KCNA3: variants seen among roughly 807,000 people sequenced by gnomAD.
KCNA3 encodes potassium voltage-gated channel subfamily A member 3.
A neutral mutation model predicts 34.3 loss-of-function variants in KCNA3; 18 were observed. The ratio of observed to expected loss-of-function variants is 0.52; its 90% confidence interval spans 0.36 to 0.78. The LOEUF (loss-of-function observed/expected upper bound fraction) is 0.78. Among genes scored for constraint, KCNA3 ranks in the 30% least tolerant of loss-of-function variants. The pLI, the probability that KCNA3 is intolerant of heterozygous loss-of-function variation, is 0.00. For synonymous variants in KCNA3, 324 were observed against 351.7 expected (o/e 0.92, Z 0.88); for missense variants, 587 against 802.5 (o/e 0.73, Z 3.24).
the KCNA3 span, among the ~76,000 whole-genome samples, chr1:110,658,475 A>G: frequency 6.6e-6 from 1 of 152,190 alleles, no homozygotes; most frequent in Non-Finnish European, 1.5e-5. Flanking sequence ...CATAAGGCTT[A>G]TGAAATAATA....
chr1:110,656,700 A>G, the KCNA3 span: 9 of 152,174 alleles, frequency 5.9e-5, no homozygotes, highest in South Asian at 2.1e-4. Flanking sequence ...TATCACTCCA[A>G]CCTTTTCCCA....
chr1:110,661,625 T>C, the KCNA3 span, among the ~76,000 whole-genome samples: 15,214 of 152,238 alleles, frequency 0.1, 797 homozygotes, highest in South Asian at 0.13. Flanking sequence ...TATTCTTGTC[T>C]TGCTGCTGTT....
chr1:110,672,802 G>T lies in KCNA3; in HGVS notation c.*280C>A. 1 of 358,054 alleles carries T rather than the reference G, an allele frequency of 2.8e-6. No homozygotes were observed. Among genetic ancestry groups the T allele is most frequent in the Non-Finnish European group, 5.0e-6 (1 of 198,066 alleles). 22.2% of individuals were successfully genotyped at this position (358,054 alleles called of 1,614,324 possible). On this transcript the variant is annotated 3_prime_UTR_variant, in exon 1 of 1. Coordinates refer to ENST00000369769, the MANE Select transcript of KCNA3 (RefSeq NM_002232.5). ...GATGTACTGCTCTTTTTTAAATAGG[G>T]CGTGTACTAGAAATGAAGTTTAACG... is the stretch of plus-strand genomic sequence containing the variant.
chr1:110,666,234 G>A, the KCNA3 span, among the ~76,000 whole-genome samples: 2 of 151,996 alleles, frequency 1.3e-5, no homozygotes, highest in East Asian at 3.8e-4. Context: ...TTATAATCAA[G>A]GGCATCTTAA....
the KCNA3 span, chr1:110,655,576 A>T: frequency 1.3e-5 from 2 of 152,202 alleles, no homozygotes; most frequent in Non-Finnish European, 2.9e-5. Flanking sequence ...CGACTCAATT[A>T]CACCTAAAGT....
the KCNA3 span, chr1:110,654,641 T>C: frequency 8.5e-5 from 13 of 152,170 alleles, no homozygotes; most frequent in Non-Finnish European, 1.9e-4. Flanking sequence ...GGAAGGGCTA[T>C]AGTCTGGAGG....
chr1:110,657,869 G>A, the KCNA3 span, among the ~76,000 whole-genome samples: 26 of 152,196 alleles, frequency 1.7e-4, no homozygotes, highest in Admixed American at 5.9e-4. Flanking sequence ...TACCCAGGCT[G>A]TGATAATTAG....
chr1:110,669,907 G>A (rs1651823066), downstream of KCNA3, among the ~76,000 whole-genome samples: 1 of 152,136 alleles, frequency 6.6e-6, no homozygotes, highest in Admixed American at 6.5e-5. Flanking sequence ...TAATTATACA[G>A]TGCTTGTGAG....
chr1:110,665,181 T>TTA, the KCNA3 span, among the ~76,000 whole-genome samples: 17 of 152,218 alleles, frequency 1.1e-4, no homozygotes, highest in African/African-American at 4.1e-4. Flanking sequence ...TGATAAATGT[T>TTA]TTTAAAGAAT....
At chr1:110,669,793 G>A (rs1417995094), downstream of KCNA3, among the ~76,000 whole-genome samples, 1 of 152,140 alleles carries the variant, frequency 6.6e-6, no homozygotes, top group Non-Finnish European at 1.5e-5. Context: ...CAAGTGTCCA[G>A]GACATGGTTG....
rs1290366238 is a variant in KCNA3, at chr1:110,674,873, G to GCCGCCT, written c.-70_-65dup. 3 of 1,273,588 alleles carry GCCGCCT rather than the reference G, an allele frequency of 2.4e-6. No homozygotes were observed. Among genetic ancestry groups the GCCGCCT allele is most frequent in the Non-Finnish European group, 3.0e-6 (3 of 1,012,910 alleles). The allele number at this position is 1,273,588 out of a possible 1,614,324, so 78.9% of individuals were successfully genotyped here. On this transcript the variant is annotated 5_prime_UTR_variant, in exon 1 of 1. Transcript: ENST00000369769. The surrounding 1 kb of genome is among the most constrained non-coding windows in gnomAD (Gnocchi z 6.4). ...TCCTCCTCGCGCTCCCCGCCCTTTC[G>GCCGCCT]CCGCCTCCGCCCCCGAGCCGAGCCC...
the KCNA3 span, among the ~76,000 whole-genome samples, chr1:110,657,559 C>T: frequency 6.6e-6 from 1 of 152,098 alleles, no homozygotes; most frequent in Admixed American, 6.5e-5. Context: ...TTTTTACTAT[C>T]CTTTCTGTGA....
chr1:110,665,693 C>T, the KCNA3 span, among the ~76,000 whole-genome samples: 13 of 151,708 alleles, frequency 8.6e-5, no homozygotes, highest in Admixed American at 1.3e-4. Flanking sequence ...GAATGAAGAA[C>T]GAAGAGATGA....
the KCNA3 span, chr1:110,656,119 C>T: frequency 6.6e-6 from 1 of 152,090 alleles, no homozygotes; most frequent in Non-Finnish European, 1.5e-5. Flanking sequence ...GACAAAAATG[C>T]ACCATTACAA....
chr1:110,674,884 C>A lies in KCNA3; in HGVS notation c.-75G>T. ...CTCCCCGCCCTTTCGCCGCCTCCGC[C>A]CCCGAGCCGAGCCCACCGCCTGTTG... On this transcript the variant is annotated 5_prime_UTR_variant, in exon 1 of 1. Coordinates refer to ENST00000369769, the MANE Select transcript of KCNA3 (RefSeq NM_002232.5). This position sits in a 1 kb window ranked among gnomAD's most constrained non-coding sequence, Gnocchi z 6.4. 7.9e-7 allele frequency: 1 copy of A among 1,270,712 alleles called. No individual in the cohort carries two copies. Among genetic ancestry groups the A allele is most frequent in the Non-Finnish European group, 9.9e-7 (1 of 1,011,270 alleles). The allele number at this position is 1,270,712 out of a possible 1,614,324, so 78.7% of individuals were successfully genotyped here.
At chr1:110,671,972 TA>T (rs1249229055), downstream of KCNA3, among the ~76,000 whole-genome samples, 4 of 152,222 alleles carry the variant, frequency 2.6e-5, no homozygotes, top group African/African-American at 9.7e-5. Context: ...TTTTCATAGT[TA>T]AAAAATGCAT....
rs1334286760 is a variant in KCNA3, at chr1:110,674,632, G to A, written c.178C>T (p.His60Tyr). Residue 60 changes from histidine to tyrosine, a missense_variant, in exon 1 of 1, where the codon CAC (histidine) becomes TAC (tyrosine). His to Tyr is a moderately conservative substitution (Grantham distance 83). Around this residue, in one of 7 missense-constraint regions of KCNA3, gnomAD observed 341 missense variants for 355.4 expected, o/e 0.96. Coordinates refer to ENST00000369769, the MANE Select transcript of KCNA3 (RefSeq NM_002232.5). This position sits in a 1 kb window ranked among gnomAD's most constrained non-coding sequence, Gnocchi z 6.4. ...PPDMTVVPGD[H>Y]LLEPEVADGG... The stretch of plus-strand genomic sequence containing the variant: ...TCGGCCACCTCCGGCTCCAGCAGGT[G>A]GTCCCCGGGCACCACGGTCATGTCG... 1.3e-6 allele frequency: 2 copies of A among 1,552,588 alleles called. No homozygotes were observed. Among genetic ancestry groups the A allele is most frequent in the Non-Finnish European group, 1.7e-6 (2 of 1,159,722 alleles).
chr1:110,663,394 C>T, the KCNA3 span, among the ~76,000 whole-genome samples: 11 of 152,162 alleles, frequency 7.2e-5, no homozygotes, highest in Non-Finnish European at 1.5e-4. Context: ...TGCTGGTCTA[C>T]ATATGTAAAC....
rs1028971279 is a variant in KCNA3 at position 110,674,885 on chromosome 1, C to T, written c.-76G>A. 7.9e-6 allele frequency: 10 copies of T among 1,270,578 alleles called. No homozygotes were observed. The highest frequency in any genetic ancestry group is 6.0e-4 in the Middle Eastern group (2 of 3,348). The allele number at this position is 1,270,578 out of a possible 1,614,324, so 78.7% of individuals were successfully genotyped here. A position where few individuals can be genotyped will look rare whatever the true frequency, so the allele number is the denominator to read the frequency against. On this transcript the variant is annotated 5_prime_UTR_variant, in exon 1 of 1. Transcript: ENST00000369769. This position sits in a 1 kb window ranked among gnomAD's most constrained non-coding sequence, Gnocchi z 6.4. ...TCCCCGCCCTTTCGCCGCCTCCGCC[C>T]CCGAGCCGAGCCCACCGCCTGTTGC...
Sources: gnomAD v4.1 joint callset for allele counts (sites outside exome capture counted in the v4.1 genomes callset) on GRCh38, gnomAD v4.1.1 for gene constraint, gnomAD v4.1.1 regional missense constraint, Gnocchi (gnomAD v3.1) non-coding constraint, MANE v1.5 for transcripts, NCBI Gene and HGNC (gene_info 2026-07-23, HGNC 2026-07-21) for gene names.